TRPM3: variants seen among roughly 807,000 people sequenced by gnomAD.
TRPM3 encodes transient receptor potential cation channel subfamily M member 3.
TRPM3 carries 77 observed loss-of-function variants against 181.2 expected under a neutral mutation model. The ratio of observed to expected loss-of-function variants is 0.42; its 90% CI spans 0.35 to 0.51. TRPM3 has a LOEUF of 0.51. Among genes scored for constraint, TRPM3 ranks in the 20% least tolerant of loss-of-function variants. The pLI is 0.01. For synonymous variants in TRPM3, 745 were observed against 796.4 expected, an observed-to-expected ratio of 0.94 and a Z score of 1.09; for missense variants, 1,759 against 2,196.7, an observed-to-expected ratio of 0.80 and a Z score of 3.98.
At chr9:71,190,143 A>C (rs1208899336) in intron 1 of TRPM3, among the ~76,000 whole-genome samples, 1 of 151,872 alleles carries the variant, frequency 6.6e-6, no homozygotes, top group African/African-American at 2.4e-5. Context: ...AGTGGTGTTG[A>C]CAGCTTAATA....
At chr9:71,265,102 C>T (rs2083297140) in intron 1 of TRPM3, among the ~76,000 whole-genome samples, 1 of 151,924 alleles carries the variant, frequency 6.6e-6, no homozygotes, top group Admixed American at 6.6e-5. Context: ...AATATTTTAA[C>T]AGAAATTAGT....
intron 7 of TRPM3, chr9:70,775,657 T>C (rs538564780): frequency 1.3e-5 from 2 of 152,180 alleles, no homozygotes; most frequent in South Asian, 4.2e-4. Flanking sequence ...CCTAGGAAAA[T>C]AGTTCTGAAA....
chr9:71,107,482 T>G (rs768470209), intron 1 of TRPM3, among the ~76,000 whole-genome samples: 2 of 152,194 alleles, frequency 1.3e-5, no homozygotes, highest in Non-Finnish European at 2.9e-5. Context: ...TATTTCCAAT[T>G]TCTTTGTCTC....
intron 22 of TRPM3, among the ~76,000 whole-genome samples, chr9:70,586,565 C>T (rs768161763): frequency 1.3e-5 from 2 of 152,198 alleles, no homozygotes; most frequent in Non-Finnish European, 2.9e-5. Flanking sequence ...AAAACAAAAC[C>T]CAACAAAACA....
At chr9:71,337,024 A>T (rs2090605929) in intron 1 of TRPM3, among the ~76,000 whole-genome samples, 1 of 152,166 alleles carries the variant, frequency 6.6e-6, no homozygotes, top group African/African-American at 2.4e-5. Context: ...AGGCAATACC[A>T]TTCAAGACAT....
chr9:71,188,665 C>T (rs1049392246), intron 1 of TRPM3, among the ~76,000 whole-genome samples: 4 of 151,998 alleles, frequency 2.6e-5, no homozygotes, highest in South Asian at 2.1e-4. Flanking sequence ...CTAAGGCAGA[C>T]CTCTCAGCAC....
At chr9:71,160,341 T>C (rs1390307143) in intron 1 of TRPM3, among the ~76,000 whole-genome samples, 1 of 152,160 alleles carries the variant, frequency 6.6e-6, no homozygotes, top group Non-Finnish European at 1.5e-5. Flanking sequence ...CACATCATCA[T>C]CTTCTAAAAT....
chr9:71,096,890 T>C (rs1040064654), intron 1 of TRPM3, among the ~76,000 whole-genome samples: 1 of 152,118 alleles, frequency 6.6e-6, no homozygotes, highest in Non-Finnish European at 1.5e-5. Context: ...AATCAGAATT[T>C]ACCTCTAGAA....
chr9:70,823,395 C>A (rs2093335778), intron 6 of TRPM3, among the ~76,000 whole-genome samples: 1 of 68,544 alleles, frequency 1.5e-5, no homozygotes, highest in African/African-American at 7.0e-5. Flanking sequence ...AACTCTTTAC[C>A]AAGCTTTCCC....
chr9:70,828,114 A>C, intron 5 of TRPM3, 96 bp from the exon 6 acceptor site: 1 of 1,251,684 alleles, frequency 8.0e-7, no homozygotes, highest in Non-Finnish European at 1.1e-6. Context: ...AAGAAAGAAC[A>C]TCAGTTCTGT....
intron 1 of TRPM3, among the ~76,000 whole-genome samples, chr9:71,086,627 C>T (rs1490264540): frequency 6.6e-6 from 1 of 151,942 alleles, no homozygotes; most frequent in African/African-American, 2.4e-5. Context: ...TTCTAATTGG[C>T]CTGGTTCTCT....
intron 1 of TRPM3, among the ~76,000 whole-genome samples, chr9:70,948,707 C>T (rs2096962954): frequency 6.6e-6 from 1 of 152,168 alleles, no homozygotes; most frequent in Admixed American, 6.5e-5. Context: ...GGTATTTTGG[C>T]CAGCATTTAT....
intron 1 of TRPM3, among the ~76,000 whole-genome samples, chr9:71,119,338 G>A (rs2073120388): frequency 6.6e-6 from 1 of 152,128 alleles, no homozygotes; most frequent in Non-Finnish European, 1.5e-5. Context: ...CTTTAATAAA[G>A]GATGGTAAGA....
rs768982135 is a variant in TRPM3, at chr9:70,536,108, T to G, written c.5005A>C (p.Ser1669Arg). 36 of 1,614,112 alleles carry G rather than the reference T, an allele frequency of 2.2e-5. No homozygotes were observed. The highest frequency in any genetic ancestry group is 6.8e-6 in the Non-Finnish European group (8 of 1,180,040). ...YAHTRKSFSI[S>R]DKLDRQRNTA... Reference sequence around the variant, plus strand: ...TTCCGCTGCCTGTCGAGTTTGTCACTGATGGAGAAGCTCTTCCTGGTGTGT... The same window carrying G: ...TTCCGCTGCCTGTCGAGTTTGTCACGGATGGAGAAGCTCTTCCTGGTGTGT... The change falls in exon 26 of 26, where the codon AGT becomes CGT. Residue 1669 changes from serine to arginine, a missense_variant. By Grantham distance (110) the Ser-to-Arg change is moderately radical. Transcript: ENST00000677713.
intron 9 of TRPM3, among the ~76,000 whole-genome samples, chr9:70,654,989 A>G (rs2060105422): frequency 6.6e-6 from 1 of 150,646 alleles, no homozygotes. Context: ...GTTTTACGGC[A>G]CTTCTACCTG....
At chr9:71,119,039 A>G (rs1185848532) in intron 1 of TRPM3, among the ~76,000 whole-genome samples, 8 of 152,200 alleles carry the variant, frequency 5.3e-5, no homozygotes, top group Non-Finnish European at 1.0e-4. Flanking sequence ...GGAAAAAAAT[A>G]CATAGCATTC....
intron 21 of TRPM3, among the ~76,000 whole-genome samples, chr9:70,593,116 AT>A (rs1266226001): frequency 6.6e-6 from 1 of 152,194 alleles, no homozygotes; most frequent in South Asian, 2.1e-4. Context: ...GGTCTAATCA[AT>A]TTTCAAGGCA....
chr9:71,413,672 A>G (rs777030781), intron 1 of TRPM3, among the ~76,000 whole-genome samples: 4 of 152,046 alleles, frequency 2.6e-5, no homozygotes, highest in Admixed American at 1.3e-4. Flanking sequence ...TAATGGATTA[A>G]TGCCCTTATT....
intron 1 of TRPM3, among the ~76,000 whole-genome samples, chr9:71,036,994 A>G (rs1297783536): frequency 6.6e-6 from 1 of 152,246 alleles, no homozygotes; most frequent in Admixed American, 6.5e-5. Flanking sequence ...TTATTGAGAT[A>G]ATAAAATATA....
Sources: allele counts gnomAD v4.1 joint callset (sites outside exome capture counted in the v4.1 genomes callset), GRCh38; gene constraint gnomAD v4.1.1; transcripts MANE v1.5; gene names NCBI Gene and HGNC (gene_info 2026-07-23, HGNC 2026-07-21).